Variants in RIMBP2 observed in about 807,000 individuals in gnomAD.
RIMBP2 encodes RIMS-binding protein 2.
Under a neutral mutation model 118.6 loss-of-function variants are expected in RIMBP2, and 48 were observed. That is an observed-to-expected ratio of 0.40 (90% CI 0.32 to 0.51). The LOEUF (loss-of-function observed/expected upper bound fraction) is 0.51, where lower values mean the gene tolerates loss of function less well. Among genes scored for constraint, RIMBP2 ranks in the 20% least tolerant of loss-of-function variants. The probability of loss-of-function intolerance (pLI) is 0.41; values close to 1 mark genes in which losing one functional copy is unlikely to be tolerated. For synonymous variants in RIMBP2, 762 were observed against 742.9 expected (o/e 1.03, Z -0.42); for missense variants, 1,551 against 1,768.3 (o/e 0.88, Z 2.20).
chr12:130,437,171 A>C lies in RIMBP2; in HGVS notation c.1777T>G (p.Ser593Ala). 6.3e-7 allele frequency: 1 copy of C among 1,588,910 alleles called. No individual in the cohort carries two copies. Among genetic ancestry groups the C allele is most frequent in the African/African-American group, 1.3e-5 (1 of 74,636 alleles). ...TLSAQGESVD[S>A]AVAAVPPELL... ...TCGGGGGGAACGGCAGCAACTGCAG[A>C]GTCCACGGACTCGCCCTGGGCGGAG... The change falls in exon 13 of 23, where the codon TCT becomes GCT. Residue 593 changes from serine to alanine, a missense_variant. Coordinates refer to ENST00000690449, the MANE Select transcript of RIMBP2 (RefSeq NM_001393629.1).
chr12:130,546,834 A>G (rs1370454073), intron 2 of RIMBP2, among the ~76,000 whole-genome samples: 2 of 152,170 alleles, frequency 1.3e-5, no homozygotes, highest in South Asian at 2.1e-4. Context: ...ATTTACATGG[A>G]AAGTCTGGAT....
At position 130,664,435 on chromosome 12, in the gene RIMBP2, GCACGCACA is replaced by G. The variant is rs549680116; in HGVS notation, c.-351-35987_-351-35980del. The stretch of plus-strand genomic sequence containing the variant: ...CGCACACACACGCACACACATGCAT[GCACGCACA>G]CACGCACACACATGCACGCACACAC... On this transcript the variant is annotated intron_variant, in intron 1 of 22. Transcript: ENST00000690449. Among the ~76,000 whole-genome samples, 237 of 56,428 alleles carry G rather than the reference GCACGCACA, an allele frequency of 4.2e-3. 16 individuals are homozygous for G. The highest frequency in any genetic ancestry group is 8.8e-3 in the African/African-American group (178 of 20,194). 37.0% of individuals were successfully genotyped at this position (56,428 alleles called of 152,430 possible).
intron 18 of RIMBP2, 105 bp downstream of exon 18, chr12:130,414,020 G>A: frequency 8.1e-7 from 1 of 1,227,592 alleles, no homozygotes; most frequent in Non-Finnish European, 1.2e-6. Context: ...ATGGCCTGCA[G>A]GAGAAGGCCA....
In RIMBP2 at chr12:130,523,205, G is replaced by A. The variant is rs768758891; in HGVS notation, c.-216-5288C>T. 1.3e-5 allele frequency among the ~76,000 whole-genome samples: 2 copies of A among 151,836 alleles called. No individual in the cohort carries two copies. The highest frequency in any genetic ancestry group is 4.8e-5 in the African/African-American group (2 of 41,322). On this transcript the variant is annotated intron_variant, in intron 2 of 22. Transcript: ENST00000690449. This position sits in a 1 kb window ranked among gnomAD's most constrained non-coding sequence, Gnocchi z 4.4. ...TCTCTGTCTCTATTTCTCTGTGTTGGGGGGGGTTTCTCTGCCTCCATCTCT... is the reference window on the plus strand; with the variant it reads ...TCTCTGTCTCTATTTCTCTGTGTTGAGGGGGGTTTCTCTGCCTCCATCTCT...
Position 130,579,340 on chromosome 12 carries a change from G to A in RIMBP2, c.-217+48982C>T, listed in dbSNP as rs370136770. On this transcript the variant is annotated intron_variant, in intron 2 of 22. Coordinates refer to ENST00000690449, the MANE Select transcript of RIMBP2 (RefSeq NM_001393629.1). ...TGGTACATGCTGGGCAGAGGGTGCC[G>A]ACGTGACCAGTCCTCAGTAAAAACC... Among the ~76,000 whole-genome samples the A allele has an allele frequency of 5.3e-5, 8 of 152,144 alleles. No individual in the cohort carries two copies. The South Asian group carries it at 6.2e-4, about 12-fold the overall frequency.
At chr12:130,546,734 G>A (rs779480332) in intron 2 of RIMBP2, among the ~76,000 whole-genome samples, 9 of 152,180 alleles carry the variant, frequency 5.9e-5, no homozygotes, top group African/African-American at 1.7e-4. Flanking sequence ...ACCAGGCTGC[G>A]CGTGGATGTG....
At chr12:130,438,334 A>AGGGCCCCCCC in intron 12 of RIMBP2, 31 bp downstream of exon 12, 1 of 1,344,518 alleles carries the variant, frequency 7.4e-7, no homozygotes, top group Non-Finnish European at 1.1e-6. Flanking sequence ...GGGCCTAACA[A>AGGGCCCCCCC]ACCCTCCCCA....
intron 5 of RIMBP2, chr12:130,472,027 G>A (rs957831645): frequency 2.0e-5 from 3 of 152,496 alleles, no homozygotes; most frequent in African/African-American, 7.2e-5. Flanking sequence ...TTGCCACCAG[G>A]AGGGTCAGGG....
rs530645054 is a variant in RIMBP2 at position 130,424,259 on chromosome 12, G to A, written c.3012C>T (p.Gly1004=). 94 of 1,231,710 alleles carry A rather than the reference G, an allele frequency of 7.6e-5. No individual in the cohort carries two copies. The Admixed American group carries it at 1.1e-3, about 14-fold the overall frequency. 76.3% of individuals were successfully genotyped at this position (1,231,710 alleles called of 1,614,324 possible). A position where few individuals can be genotyped will look rare whatever the true frequency, so the allele number is the denominator to read the frequency against. ...GAAAATCTTGGTGCTCGGTGGGCTC[G>A]CCCCAGCCGTGCTTCCTGGGGGGCG... ...ERPPPRKHGW[G]EPTEHQDFRG... The change falls in exon 16 of 23, where the codon GGC becomes GGT. Residue 1004 remains glycine (G), a synonymous_variant. Transcript: ENST00000690449. This position sits in a 1 kb window ranked among gnomAD's most constrained non-coding sequence, Gnocchi z 9.8.
intron 12 of RIMBP2, among the ~76,000 whole-genome samples, chr12:130,437,757 C>T (rs2137053723): frequency 6.6e-6 from 1 of 152,318 alleles, no homozygotes; most frequent in South Asian, 2.1e-4. Flanking sequence ...GCACAGGAGT[C>T]TGCAGGAAGC....
At chr12:130,443,246 C>CAAAAAA (rs59960598) in intron 10 of RIMBP2, among the ~76,000 whole-genome samples, 1 of 115,204 alleles carries the variant, frequency 8.7e-6, no homozygotes, top group African/African-American at 3.0e-5. Flanking sequence ...AGTTGTGTGG[C>CAAAAAA]AAAAAAAAAA....
chr12:130,687,920 T>C (rs1243216254), intron 1 of RIMBP2, among the ~76,000 whole-genome samples: 2 of 152,192 alleles, frequency 1.3e-5, no homozygotes, highest in Non-Finnish European at 2.9e-5. Flanking sequence ...CCAACATGTA[T>C]CCACAGATGA....
In RIMBP2 at chr12:130,543,573, A is replaced by T. The variant is rs543460627; in HGVS notation, c.-216-25656T>A. 8.5e-5 allele frequency among the ~76,000 whole-genome samples: 13 copies of T among 152,234 alleles called. No homozygotes were observed. In the South Asian group the frequency reaches 2.7e-3, roughly 32 times the overall value. On this transcript the variant is annotated intron_variant, in intron 2 of 22. Coordinates refer to ENST00000690449, the MANE Select transcript of RIMBP2 (RefSeq NM_001393629.1). ...AAGCTCTTCTCCAAAGATGAGCCCTATAGATTGGGAAATATGAAGATGCCT... is the reference window on the plus strand; with the variant it reads ...AAGCTCTTCTCCAAAGATGAGCCCTTTAGATTGGGAAATATGAAGATGCCT...
chr12:130,552,241 G>A (rs191229183), intron 2 of RIMBP2, among the ~76,000 whole-genome samples: 2 of 152,316 alleles, frequency 1.3e-5, no homozygotes, highest in East Asian at 3.9e-4. Flanking sequence ...AGCCAGAGTA[G>A]GGGGTAGAGG....
chr12:130,622,751 C>G lies in RIMBP2; in HGVS notation c.-217+5571G>C, dbSNP rs2061395243. Among the ~76,000 whole-genome samples the G allele has an allele frequency of 6.6e-6, 1 of 152,150 alleles. No homozygotes were observed. Among genetic ancestry groups the G allele is most frequent in the Admixed American group, 6.5e-5 (1 of 15,270 alleles). ...GTACAACACTCTTGGAAATATTGGG[C>G]TAGTTGGCAGATTTAGGCAATGCCT... On this transcript the variant is annotated intron_variant, in intron 2 of 22. Transcript: ENST00000690449. This position sits in a 1 kb window ranked among gnomAD's most constrained non-coding sequence, Gnocchi z 8.5.
intron 2 of RIMBP2, among the ~76,000 whole-genome samples, chr12:130,591,112 T>C (rs1218440520): frequency 6.6e-6 from 1 of 152,230 alleles, no homozygotes; most frequent in African/African-American, 2.4e-5. Flanking sequence ...ATCATTTTCC[T>C]AGGTCCTGGG....
chr12:130,399,511 A>C (rs976550745), intron 22 of RIMBP2, among the ~76,000 whole-genome samples, 168 bp downstream of exon 22: 2 of 152,192 alleles, frequency 1.3e-5, no homozygotes, highest in African/African-American at 4.8e-5. Context: ...AAGATTTAGA[A>C]TTAAGAATTT....
At chr12:130,634,799 A>G (rs1426808264) in intron 1 of RIMBP2, among the ~76,000 whole-genome samples, 1 of 151,992 alleles carries the variant, frequency 6.6e-6, no homozygotes, top group African/African-American at 2.4e-5. Flanking sequence ...GGATCTCACT[A>G]TGTCACCCAG....
chr12:130,530,700 C>T (rs2053279385), intron 2 of RIMBP2, among the ~76,000 whole-genome samples: 1 of 152,108 alleles, frequency 6.6e-6, no homozygotes. Flanking sequence ...TATTTGATTG[C>T]CTTTTTTTAA....
Sources: allele counts gnomAD v4.1 joint callset (sites outside exome capture counted in the v4.1 genomes callset), GRCh38; gene constraint gnomAD v4.1.1; non-coding constraint Gnocchi (gnomAD v3.1); transcripts MANE v1.5; gene names NCBI Gene and HGNC (gene_info 2026-07-23, HGNC 2026-07-21).